Variants in KCNQ1OT1 observed in about 807,000 individuals in gnomAD.
KCNQ1OT1 encodes KCNQ1 opposite strand/antisense transcript 1.
exon 1 of KCNQ1OT1, chr11:2,616,086 A>G (rs1849059040): frequency 2.5e-6 from 1 of 397,954 alleles, no homozygotes; most frequent in African/African-American, 2.1e-5. Flanking sequence ...CTGTATTAGT[A>G]TTTTGTGAAT....
rs113637415 is a variant in KCNQ1OT1, at chr11:2,617,676, C to A, written n.82319G>T. ...ATGACTGCACCAATCTACAGTCCCA[C>A]CAACACTGTACAAGAGTTCCCTAAC... is the stretch of plus-strand genomic sequence containing the variant. On this transcript the variant is annotated non_coding_transcript_exon_variant, in exon 1 of 1. Coordinates refer to ENST00000597346, the Ensembl canonical transcript of KCNQ1OT1. The surrounding 1 kb of genome is among the most constrained non-coding windows in gnomAD (Gnocchi z 4.6). 2.5e-6 allele frequency: 1 copy of A among 398,362 alleles called. No individual in the cohort carries two copies. The highest frequency in any genetic ancestry group is 1.3e-4 in the South Asian group (1 of 7,856). 24.7% of individuals were successfully genotyped at this position (398,362 alleles called of 1,614,324 possible). A position where few individuals can be genotyped will look rare whatever the true frequency, so the allele number is the denominator to read the frequency against.
chr11:2,693,041 C>G (rs186103632), exon 1 of KCNQ1OT1: 2 of 398,636 alleles, frequency 5.0e-6, no homozygotes, highest in East Asian at 7.1e-5. Flanking sequence ...CTTTCTGGAG[C>G]AGGGGGAGAG....
At chr11:2,667,072 G>A (rs1850087194) in exon 1 of KCNQ1OT1, 3 of 398,548 alleles carry the variant, frequency 7.5e-6, no homozygotes, top group Admixed American at 4.4e-5. Context: ...AAATGCACGG[G>A]GGGATTAAAT....
chr11:2,664,702 G>A lies in KCNQ1OT1; in HGVS notation n.35293C>T. The A allele has an allele frequency of 2.5e-6, 1 of 398,740 alleles. No individual in the cohort carries two copies. 24.7% of individuals were successfully genotyped at this position (398,740 alleles called of 1,614,324 possible). Reference sequence around the variant, plus strand: ...AGCCTGGCCCCATGGACCCTGAACTGGGAAGAGAGGCACACGCCCTGGTGT... The same window carrying A: ...AGCCTGGCCCCATGGACCCTGAACTAGGAAGAGAGGCACACGCCCTGGTGT... On this transcript the variant is annotated non_coding_transcript_exon_variant, in exon 1 of 1. Transcript: ENST00000597346. The surrounding 1 kb of genome is among the most constrained non-coding windows in gnomAD (Gnocchi z 5.1).
At chr11:2,650,902 T>C (rs1191757528) in exon 1 of KCNQ1OT1, 1 of 398,554 alleles carries the variant, frequency 2.5e-6, no homozygotes, top group Non-Finnish European at 4.4e-6. Context: ...ATGCTATTTT[T>C]CTCCAAGCCT....
chr11:2,611,551 A>G lies in KCNQ1OT1; in HGVS notation n.88444T>C. 2 of 398,392 alleles carry G rather than the reference A, an allele frequency of 5.0e-6. No individual in the cohort carries two copies. The highest frequency in any genetic ancestry group is 8.8e-6 in the Non-Finnish European group (2 of 226,030). 24.7% of individuals were successfully genotyped at this position (398,392 alleles called of 1,614,324 possible). A position where few individuals can be genotyped will look rare whatever the true frequency, so the allele number is the denominator to read the frequency against. ...TTAGTACAGTCACTCTAGCTTTCTTATTACTGTTTGCATGTCATCTTTTTC... is the reference window on the plus strand; with the variant it reads ...TTAGTACAGTCACTCTAGCTTTCTTGTTACTGTTTGCATGTCATCTTTTTC... On this transcript the variant is annotated non_coding_transcript_exon_variant, in exon 1 of 1. Coordinates refer to ENST00000597346, the Ensembl canonical transcript of KCNQ1OT1. This position sits in a 1 kb window ranked among gnomAD's most constrained non-coding sequence, Gnocchi z 5.3.
rs1016510661 is a variant in KCNQ1OT1, at chr11:2,657,418, C to G, written n.42577G>C. 2.0e-5 allele frequency: 8 copies of G among 398,438 alleles called. No individual in the cohort carries two copies. The highest frequency in any genetic ancestry group is 1.6e-4 in the African/African-American group (8 of 48,634). The allele number at this position is 398,438 out of a possible 1,614,324, so 24.7% of individuals were successfully genotyped here. Reference sequence around the variant, plus strand: ...TTTACAATTTTCTCCAGAGTTCTTGCATATACTTAGTTAGATAATTAATAT... The same window carrying G: ...TTTACAATTTTCTCCAGAGTTCTTGGATATACTTAGTTAGATAATTAATAT... On this transcript the variant is annotated non_coding_transcript_exon_variant, in exon 1 of 1. Coordinates refer to ENST00000597346, the Ensembl canonical transcript of KCNQ1OT1. The surrounding 1 kb of genome is among the most constrained non-coding windows in gnomAD (Gnocchi z 4.8).
In KCNQ1OT1 at chr11:2,608,519, A is replaced by G; in HGVS notation, n.91476T>C. The G allele has an allele frequency of 2.5e-6, 1 of 398,488 alleles. No individual in the cohort carries two copies. Among genetic ancestry groups the G allele is most frequent in the Non-Finnish European group, 4.4e-6 (1 of 226,062 alleles). 24.7% of individuals were successfully genotyped at this position (398,488 alleles called of 1,614,324 possible). The stretch of plus-strand genomic sequence containing the variant: ...GAAACAGAGTCTCTCTCTGTTGCCC[A>G]GGCTGGAATAGAGTGGTGTAATCAT... On this transcript the variant is annotated non_coding_transcript_exon_variant, in exon 1 of 1. Coordinates refer to ENST00000597346, the Ensembl canonical transcript of KCNQ1OT1. This position sits in a 1 kb window ranked among gnomAD's most constrained non-coding sequence, Gnocchi z 4.6.
At chr11:2,694,800 G>A (rs924266800) in exon 1 of KCNQ1OT1, 18 of 398,520 alleles carry the variant, frequency 4.5e-5, no homozygotes, top group South Asian at 1.3e-4. Flanking sequence ...AAAGGTAGTC[G>A]TCAGCTAGTG....
exon 1 of KCNQ1OT1, chr11:2,610,831 G>T (rs1848969390): frequency 5.2e-6 from 2 of 383,670 alleles, no homozygotes; most frequent in Non-Finnish European, 9.0e-6. Flanking sequence ...TTGTCTCCCT[G>T]ACACCAGAAC....
Position 2,654,717 on chromosome 11 carries a change from G to A in KCNQ1OT1, n.45278C>T, listed in dbSNP as rs1184718689. 2.0e-5 allele frequency: 8 copies of A among 398,658 alleles called. No individual in the cohort carries two copies. The highest frequency in any genetic ancestry group is 6.2e-4 in the Middle Eastern group (1 of 1,610). The allele number at this position is 398,658 out of a possible 1,614,324, so 24.7% of individuals were successfully genotyped here. Reference sequence around the variant, plus strand: ...CATAGGCTGGACTTGGGGCTTGAATGCTGACCTAATCTGGGCAGGGAGGGG... The same window carrying A: ...CATAGGCTGGACTTGGGGCTTGAATACTGACCTAATCTGGGCAGGGAGGGG... On this transcript the variant is annotated non_coding_transcript_exon_variant, in exon 1 of 1. Coordinates refer to ENST00000597346, the Ensembl canonical transcript of KCNQ1OT1. This position sits in a 1 kb window ranked among gnomAD's most constrained non-coding sequence, Gnocchi z 6.4.
exon 1 of KCNQ1OT1, chr11:2,656,422 C>G (rs1353545664): frequency 2.5e-6 from 1 of 398,564 alleles, no homozygotes; most frequent in African/African-American, 2.1e-5. Flanking sequence ...ACTCTGAGCC[C>G]TTCTCCTGGC....
rs765338251 is a variant in KCNQ1OT1, at chr11:2,673,081, T to C, written n.26914A>G. On this transcript the variant is annotated non_coding_transcript_exon_variant, in exon 1 of 1. Coordinates refer to ENST00000597346, the Ensembl canonical transcript of KCNQ1OT1. This position sits in a 1 kb window ranked among gnomAD's most constrained non-coding sequence, Gnocchi z 4.5. The stretch of plus-strand genomic sequence containing the variant: ...GTGAAGTTGGCTTCTCAGGCCACAG[T>C]AGGCCTTCACGGTACTCAGCAGGAG... 2.5e-6 allele frequency: 1 copy of C among 398,858 alleles called. No individual in the cohort carries two copies. 24.7% of individuals were successfully genotyped at this position (398,858 alleles called of 1,614,324 possible). A position where few individuals can be genotyped will look rare whatever the true frequency, so the allele number is the denominator to read the frequency against.
At chr11:2,666,017 T>C (rs1452979210) in exon 1 of KCNQ1OT1, 10 of 398,620 alleles carry the variant, frequency 2.5e-5, no homozygotes, top group Admixed American at 8.8e-5. Flanking sequence ...GTCTGCCCCA[T>C]TGGTTGCACA....
chr11:2,673,934 T>C lies in KCNQ1OT1; in HGVS notation n.26061A>G. 1 of 213,264 alleles carries C rather than the reference T, an allele frequency of 4.7e-6. No homozygotes were observed. The highest frequency in any genetic ancestry group is 9.0e-6 in the Non-Finnish European group (1 of 110,810). The allele number at this position is 213,264 out of a possible 1,614,324, so 13.2% of individuals were successfully genotyped here. On this transcript the variant is annotated non_coding_transcript_exon_variant, in exon 1 of 1. Transcript: ENST00000597346. The surrounding 1 kb of genome is among the most constrained non-coding windows in gnomAD (Gnocchi z 4.5). Reference sequence around the variant, plus strand: ...CGGGTGCTAGACAAGGGAGTGTGTCTCTTTCCCCATGAGTGACAGCAGCCA... The same window carrying C: ...CGGGTGCTAGACAAGGGAGTGTGTCCCTTTCCCCATGAGTGACAGCAGCCA...
At chr11:2,639,866 C>G (rs998651784) in exon 1 of KCNQ1OT1, 1 of 152,772 alleles carries the variant, frequency 6.5e-6, no homozygotes, top group Non-Finnish European at 1.5e-5. Flanking sequence ...CCACCCAGTT[C>G]GAGCTTCCTG....
rs2412056 is a variant in KCNQ1OT1, at chr11:2,626,563, C to T, written n.73432G>A. On this transcript the variant is annotated non_coding_transcript_exon_variant, in exon 1 of 1. Transcript: ENST00000597346. This position sits in a 1 kb window ranked among gnomAD's most constrained non-coding sequence, Gnocchi z 4.0. ...TGTTTGTTTTTCAGACATTCTTACT[C>T]TGTTGCCCACGCTGGAGTACAGTGG... is the stretch of plus-strand genomic sequence containing the variant. The T allele has an allele frequency of 0.88, 351,778 of 398,476 alleles. 156,126 individuals carry two copies. The highest frequency in any genetic ancestry group is 0.99 in the East Asian group (27,888 of 28,088). The allele number at this position is 398,476 out of a possible 1,614,324, so 24.7% of individuals were successfully genotyped here.
exon 1 of KCNQ1OT1, chr11:2,684,561 AT>A (rs2133884560): frequency 2.5e-6 from 1 of 398,672 alleles, no homozygotes; most frequent in South Asian, 1.3e-4. Flanking sequence ...TCCATGTCCC[AT>A]AAATGACTTT....
exon 1 of KCNQ1OT1, chr11:2,640,512 C>T (rs1849556315): frequency 2.5e-6 from 1 of 397,888 alleles, no homozygotes; most frequent in South Asian, 1.3e-4. Flanking sequence ...TCTTGAATTC[C>T]TGGGCTCAAG....
Sources: gnomAD v4.1 joint callset for allele counts on GRCh38, gnomAD v4.1.1 for gene constraint, Gnocchi (gnomAD v3.1) non-coding constraint, MANE v1.5 for transcripts, NCBI Gene and HGNC (gene_info 2026-07-23, HGNC 2026-07-21) for gene names.